The following CNOT6 variants were observed in gnomAD, a reference collection of about 807,000 sequenced individuals.
CNOT6 encodes the protein CCR4-NOT transcription complex subunit 6.
In CNOT6, 12 loss-of-function variants were observed where a neutral mutation model predicts 61.2. The ratio of observed to expected loss-of-function variants is 0.20; its 90% CI spans 0.13 to 0.32. CNOT6 has a LOEUF of 0.32. CNOT6 is among the 10% of genes least tolerant of loss of function. CNOT6 has a pLI of 1.00. For synonymous variants in CNOT6, 225 were observed against 240.6 expected, an observed-to-expected ratio of 0.94 and a Z score of 0.60; for missense variants, 405 against 663.9, an observed-to-expected ratio of 0.61 and a Z score of 4.28.
At chr5:180,499,865 G>A (rs1756786009) in intron 1 of CNOT6, among the ~76,000 whole-genome samples, 1 of 152,182 alleles carries the variant, frequency 6.6e-6, no homozygotes, top group African/African-American at 2.4e-5. Flanking sequence ...TGTAACACGA[G>A]AAGCAAATAG....
At chr5:180,518,495 TTG>T (rs1337030678) in intron 1 of CNOT6, among the ~76,000 whole-genome samples, 5 of 150,344 alleles carry the variant, frequency 3.3e-5, no homozygotes, top group Admixed American at 6.6e-5. Flanking sequence ...GTTTTAGTAT[TTG>T]TGTGTGTGGG....
intron 3 of CNOT6, among the ~76,000 whole-genome samples, chr5:180,552,446 C>T (rs1759659134): frequency 1.3e-5 from 2 of 151,670 alleles, no homozygotes; most frequent in Non-Finnish European, 2.9e-5. Flanking sequence ...TCGAGACCAT[C>T]CTGGCTAACA....
chr5:180,501,344 T>C (rs1756859417), intron 1 of CNOT6, among the ~76,000 whole-genome samples: 1 of 152,190 alleles, frequency 6.6e-6, no homozygotes, highest in Non-Finnish European at 1.5e-5. Flanking sequence ...CAGAACTTGT[T>C]TAGCTTAGAG....
rs186169826 is a variant in CNOT6, at chr5:180,531,470, G to A, written c.112+2082G>A. Among the ~76,000 whole-genome samples, 455 of 151,392 alleles carry A rather than the reference G, an allele frequency of 3.0e-3. 12 individuals are homozygous for A. In the East Asian group the frequency reaches 0.073, roughly 24 times the overall value. Reference sequence around the variant, plus strand: ...CTCCTCATTTCCTAGACGGGATGGCGGCTGGGAAGAGACGCTCCTCACTTC... The same window carrying A: ...CTCCTCATTTCCTAGACGGGATGGCAGCTGGGAAGAGACGCTCCTCACTTC... On this transcript the variant is annotated intron_variant, in intron 2 of 11. Transcript: ENST00000261951.
At chr5:180,548,693 A>G (rs907361411) in intron 2 of CNOT6, among the ~76,000 whole-genome samples, 2 of 152,072 alleles carry the variant, frequency 1.3e-5, no homozygotes, top group Non-Finnish European at 2.9e-5. Context: ...CATCTTAGAA[A>G]TTTGCTGATT....
intron 4 of CNOT6, among the ~76,000 whole-genome samples, chr5:180,558,804 TTTATTTGTTTG>T (rs148921260): frequency 0.44 from 66,373 of 151,688 alleles, 15,510 homozygotes; most frequent in Non-Finnish European, 0.53. Flanking sequence ...CTCAGTATAT[TTTATTTGTTTG>T]TTTATTATTT....
chr5:180,566,028 C>G (rs1760435397), intron 7 of CNOT6, 51 bp downstream of exon 7: 1 of 1,514,814 alleles, frequency 6.6e-7, no homozygotes, highest in Admixed American at 1.9e-5. Flanking sequence ...GAAGGAGCAA[C>G]TAGGAATACA....
chr5:180,568,440 C>T (rs1419316445), intron 9 of CNOT6, among the ~76,000 whole-genome samples: 1 of 151,530 alleles, frequency 6.6e-6, no homozygotes, highest in Admixed American at 6.6e-5. Flanking sequence ...GTAATCCCAG[C>T]TACTTGGGAG....
chr5:180,517,834 G>C (rs576122881), intron 1 of CNOT6, among the ~76,000 whole-genome samples: 1 of 152,212 alleles, frequency 6.6e-6, no homozygotes, highest in South Asian at 2.1e-4. Context: ...GAGCTACTGC[G>C]CCTGGCCGAG....
intron 2 of CNOT6, among the ~76,000 whole-genome samples, chr5:180,532,991 T>A (rs1486064866): frequency 6.6e-6 from 1 of 152,196 alleles, no homozygotes; most frequent in African/African-American, 2.4e-5. Context: ...CTGGAAGCTC[T>A]CTGAACCCTG....
chr5:180,528,404 G>A (rs865849546), intron 1 of CNOT6, among the ~76,000 whole-genome samples: 2 of 152,026 alleles, frequency 1.3e-5, no homozygotes, highest in South Asian at 4.1e-4. Context: ...TCCACCTCCC[G>A]GGTTCACGCC....
At chr5:180,531,696 T>C (rs1422020013) in intron 2 of CNOT6, among the ~76,000 whole-genome samples, 1 of 152,150 alleles carries the variant, frequency 6.6e-6, no homozygotes, top group Non-Finnish European at 1.5e-5. Flanking sequence ...CTGGGCAAGA[T>C]TGAGCACTGA....
intron 1 of CNOT6, among the ~76,000 whole-genome samples, chr5:180,508,007 T>C (rs1260818890): frequency 1.3e-5 from 2 of 151,982 alleles, no homozygotes; most frequent in Non-Finnish European, 2.9e-5. Flanking sequence ...GGGATACAAT[T>C]TGACATGACA....
intron 1 of CNOT6, among the ~76,000 whole-genome samples, chr5:180,499,174 A>T (rs1421255070): frequency 6.6e-6 from 1 of 152,204 alleles, no homozygotes; most frequent in East Asian, 1.9e-4. Context: ...GTTGCTCTAT[A>T]ATACAGGGTC....
At chr5:180,495,120 A>G (rs1321373022) in intron 1 of CNOT6, among the ~76,000 whole-genome samples, 5 of 152,206 alleles carry the variant, frequency 3.3e-5, no homozygotes, top group Admixed American at 6.5e-5. Flanking sequence ...ATGGGTGGCA[A>G]CTTTTGAGAA....
Position 180,574,471 on chromosome 5 carries a change from A to G in CNOT6, c.*271A>G, listed in dbSNP as rs1247162715. 2.7e-5 allele frequency: 13 copies of G among 483,630 alleles called. 1 individual carries two copies. Among genetic ancestry groups the G allele is most frequent in the South Asian group, 4.8e-5 (2 of 41,412 alleles). 30.0% of individuals were successfully genotyped at this position (483,630 alleles called of 1,614,324 possible). On this transcript the variant is annotated 3_prime_UTR_variant, in exon 12 of 12. Transcript: ENST00000261951. ...GAGATTTTCCTATTTCTTCTACCCA[A>G]TAGAATATTTTCATGCCTGGAAATA...
At chr5:180,501,731 G>A (rs1331558071) in intron 1 of CNOT6, among the ~76,000 whole-genome samples, 3 of 152,216 alleles carry the variant, frequency 2.0e-5, no homozygotes, top group Non-Finnish European at 1.5e-5. Context: ...CTAAGGAACA[G>A]CTAATATTTT....
chr5:180,518,795 T>A (rs1450354515), intron 1 of CNOT6, among the ~76,000 whole-genome samples: 1 of 152,222 alleles, frequency 6.6e-6, no homozygotes. Flanking sequence ...GCCTGGCCAG[T>A]GTTTCCGTTT....
intron 1 of CNOT6, among the ~76,000 whole-genome samples, chr5:180,509,315 T>C (rs11748724): frequency 0.26 from 38,972 of 151,810 alleles, 5,906 homozygotes; most frequent in Middle Eastern, 0.41. Context: ...TATTTTTTTT[T>C]CTACAGACCA....
Sources: gnomAD v4.1 joint callset for allele counts (sites outside exome capture counted in the v4.1 genomes callset) on GRCh38, gnomAD v4.1.1 for gene constraint, MANE v1.5 for transcripts, NCBI Gene and HGNC (gene_info 2026-07-23, HGNC 2026-07-21) for gene names.